The following KIFC3 variants were observed in gnomAD, a reference collection of about 807,000 sequenced individuals.
KIFC3 encodes kinesin family member C3.
In KIFC3, 60 loss-of-function variants were observed where a neutral mutation model predicts 101.8. That is an observed-to-expected ratio of 0.59 (90% CI 0.48 to 0.73). The LOEUF (loss-of-function observed/expected upper bound fraction) is 0.73, where lower values mean the gene tolerates loss of function less well. KIFC3 is among the 30% of genes least tolerant of loss of function. The probability of loss-of-function intolerance (pLI) is 0.00; values close to 1 mark genes in which losing one functional copy is unlikely to be tolerated. For synonymous variants in KIFC3, 476 were observed against 482.7 expected (o/e 0.99, Z 0.18); for missense variants, 966 against 1,137.1 (o/e 0.85, Z 2.16).
chr16:57,827,467 A>G (rs2055482684), intron 1 of KIFC3, among the ~76,000 whole-genome samples: 1 of 152,224 alleles, frequency 6.6e-6, no homozygotes. Context: ...GAGCCAGCCC[A>G]TGCCTGGCAC....
intron 9 of KIFC3, among the ~76,000 whole-genome samples, chr16:57,768,533 A>ACACACACACG (rs782552995): frequency 3.3e-5 from 5 of 151,698 alleles, no homozygotes; most frequent in Admixed American, 2.0e-4. Flanking sequence ...ACACACACAC[A>ACACACACACG]CACGCACAAT....
At chr16:57,772,329 C>G in intron 3 of KIFC3, 41 bp from the exon 4 acceptor site, 2 of 1,565,478 alleles carry the variant, frequency 1.3e-6, no homozygotes, top group Non-Finnish European at 1.8e-6. Context: ...CCTCAGTCCT[C>G]AGCTCCAGCC....
At chr16:57,854,148 C>G (rs2056115783) in intron 1 of KIFC3, among the ~76,000 whole-genome samples, 1 of 151,714 alleles carries the variant, frequency 6.6e-6, no homozygotes. Flanking sequence ...CACCATGTTG[C>G]TCAGGCTGGT....
chr16:57,802,354 C>T lies in KIFC3; in HGVS notation c.-40+16G>A, dbSNP rs1213272817. ...GCGCCCCGCTCGCACCCAGCCCGCC[C>T]GGGCCCCCCACTCACCGGCCTGGCG... On this transcript the variant is annotated intron_variant, in intron 1 of 19. Transcript: ENST00000445690. This position sits in a 1 kb window ranked among gnomAD's most constrained non-coding sequence, Gnocchi z 5.0. 2.0e-6 allele frequency: 2 copies of T among 980,828 alleles called. No homozygotes were observed. The highest frequency in any genetic ancestry group is 2.4e-6 in the Non-Finnish European group (2 of 826,610). 60.8% of individuals were successfully genotyped at this position (980,828 alleles called of 1,614,324 possible).
intron 3 of KIFC3, among the ~76,000 whole-genome samples, chr16:57,778,079 G>A (rs1476762448): frequency 1.3e-5 from 2 of 152,206 alleles, no homozygotes; most frequent in Non-Finnish European, 2.9e-5. Context: ...AGGAGTTCAA[G>A]ACCAGCCTGG....
intron 3 of KIFC3, among the ~76,000 whole-genome samples, chr16:57,791,413 C>T (rs574860293): frequency 4.6e-4 from 70 of 152,308 alleles, no homozygotes; most frequent in Admixed American, 9.1e-4. Flanking sequence ...GAAGGACAGA[C>T]GGGGCCCTGG....
intron 3 of KIFC3, chr16:57,773,906 A>G (rs1160399294): frequency 5.3e-5 from 8 of 152,048 alleles, no homozygotes; most frequent in African/African-American, 1.9e-4. Flanking sequence ...GTGGTCAGGG[A>G]GGAAGTGGAC....
chr16:57,841,763 G>A (rs1275459467), intron 1 of KIFC3, among the ~76,000 whole-genome samples: 5 of 152,050 alleles, frequency 3.3e-5, no homozygotes, highest in African/African-American at 7.2e-5. Context: ...TCTCAAATGC[G>A]CGTTGCCCTC....
intron 12 of KIFC3, among the ~76,000 whole-genome samples, chr16:57,762,579 G>A (rs781914256): frequency 6.6e-6 from 1 of 152,156 alleles, no homozygotes; most frequent in Non-Finnish European, 1.5e-5. Flanking sequence ...CTGGCCCTGT[G>A]GGGCCACCTG....
intron 1 of KIFC3, among the ~76,000 whole-genome samples, chr16:57,845,630 G>C (rs1220669909): frequency 6.6e-6 from 1 of 152,074 alleles, no homozygotes; most frequent in African/African-American, 2.4e-5. Flanking sequence ...TGCTCAGGCA[G>C]GTGTTCCTCA....
chr16:57,767,927 C>T (rs903300941), intron 9 of KIFC3, among the ~76,000 whole-genome samples: 5 of 152,180 alleles, frequency 3.3e-5, no homozygotes, highest in Non-Finnish European at 7.4e-5. Flanking sequence ...CCTCCTGCCT[C>T]AGCCTCCCAA....
At chr16:57,777,692 G>A (rs1402715599) in intron 3 of KIFC3, among the ~76,000 whole-genome samples, 2 of 151,360 alleles carry the variant, frequency 1.3e-5, no homozygotes, top group Non-Finnish European at 2.9e-5. Context: ...CTGCACTCCC[G>A]CCTGGGCAGC....
chr16:57,799,287 T>C (rs977565189), intron 1 of KIFC3, among the ~76,000 whole-genome samples: 1 of 152,162 alleles, frequency 6.6e-6, no homozygotes, highest in Non-Finnish European at 1.5e-5. Flanking sequence ...CAGACAGTAA[T>C]GTCATTTACA....
chr16:57,851,352 G>A (rs1428491773), intron 1 of KIFC3, among the ~76,000 whole-genome samples: 1 of 151,948 alleles, frequency 6.6e-6, no homozygotes, highest in Non-Finnish European at 1.5e-5. Flanking sequence ...TCTAGTTCCT[G>A]GAAAATTTCC....
chr16:57,830,062 C>T (rs1464298641), intron 1 of KIFC3, among the ~76,000 whole-genome samples: 4 of 152,064 alleles, frequency 2.6e-5, no homozygotes, highest in African/African-American at 9.7e-5. Flanking sequence ...CAATTGACAG[C>T]CTCTACCAGG....
At chr16:57,775,737 G>A in intron 3 of KIFC3, 1 of 985,596 alleles carries the variant, frequency 1.0e-6, no homozygotes, top group Non-Finnish European at 1.2e-6. Flanking sequence ...AGGGGCAGCA[G>A]GCACATGCCT....
chr16:57,775,252 G>T, intron 3 of KIFC3: 1 of 1,309,286 alleles, frequency 7.6e-7, no homozygotes, highest in Non-Finnish European at 9.7e-7. Context: ...TGAGGAAGGG[G>T]CTCTAAAGGC....
intron 10 of KIFC3, among the ~76,000 whole-genome samples, chr16:57,766,488 G>A (rs781801504): frequency 3.3e-5 from 5 of 152,184 alleles, no homozygotes; most frequent in Non-Finnish European, 7.4e-5. Context: ...ACCTGGCACA[G>A]AGCAGGCACT....
At chr16:57,796,801 A>C (rs529815101) in intron 2 of KIFC3, among the ~76,000 whole-genome samples, 1 of 152,242 alleles carries the variant, frequency 6.6e-6, no homozygotes, top group Non-Finnish European at 1.5e-5. Flanking sequence ...ATGTTCAGTG[A>C]CTAACTTGTG....
Sources: gnomAD v4.1 joint callset for allele counts (sites outside exome capture counted in the v4.1 genomes callset) on GRCh38, gnomAD v4.1.1 for gene constraint, Gnocchi (gnomAD v3.1) non-coding constraint, MANE v1.5 for transcripts, NCBI Gene and HGNC (gene_info 2026-07-23, HGNC 2026-07-21) for gene names.